The following PRRC2B variants were observed in gnomAD, a reference collection of about 807,000 sequenced individuals.
PRRC2B encodes protein PRRC2B.
In PRRC2B, 68 loss-of-function variants were observed where a neutral mutation model predicts 242.3. That is an observed-to-expected ratio of 0.28 (90% confidence interval 0.23 to 0.34). The LOEUF (loss-of-function observed/expected upper bound fraction) is 0.34, where lower values mean the gene tolerates loss of function less well. Ranked by LOEUF, PRRC2B falls within the 10% of genes least tolerant of loss-of-function variation. The pLI, the probability that PRRC2B is intolerant of heterozygous loss-of-function variation, is 1.00. For missense variants in PRRC2B, 2,835 were observed against 2,954.8 expected, an observed-to-expected ratio of 0.96 and a Z score of 0.94; for synonymous variants, 1,228 against 1,173.6, an observed-to-expected ratio of 1.05 and a Z score of -0.95.
At position 131,484,737 on chromosome 9, in the gene PRRC2B, A is replaced by G. The variant is rs1381597420; in HGVS notation, c.5512A>G (p.Arg1838Gly). ...CCTGCGGCGGGACCATCACATCCAG[A>G]GGGCCATCGGTCTCTCCCCAATGTC... ...PILRRDHHIQ[R>G]AIGLSPMSFP... The change falls in exon 24 of 32, where the codon AGG becomes GGG. Residue 1838 changes from arginine to glycine, a missense_variant. Physicochemically the swap from Arg to Gly is moderately radical, Grantham distance 125. Coordinates refer to ENST00000683519, the MANE Select transcript of PRRC2B (RefSeq NM_013318.4). 29 of 1,612,882 alleles carry G rather than the reference A, an allele frequency of 1.8e-5. No individual in the cohort carries two copies. Among genetic ancestry groups the G allele is most frequent in the Middle Eastern group, 1.6e-4 (1 of 6,080 alleles).
intron 3 of PRRC2B, 29 bp downstream of exon 3, chr9:131,432,823 G>A (rs751980642): frequency 8.1e-6 from 13 of 1,610,412 alleles, no homozygotes; most frequent in Non-Finnish European, 9.3e-6. Context: ...TGGTGAGTGG[G>A]AGCTGGCGCT....
chr9:131,478,048 A>G lies in PRRC2B; in HGVS notation c.4612+99A>G, dbSNP rs1327081640. On this transcript the variant is annotated intron_variant, in intron 17 of 31. Coordinates refer to ENST00000683519, the MANE Select transcript of PRRC2B (RefSeq NM_013318.4). ...AGTTTGCCCTTGCACTGAGTACCTTAGCTTTCGGAACAGCTCGGCCAGGCC... is the reference window on the plus strand; with the variant it reads ...AGTTTGCCCTTGCACTGAGTACCTTGGCTTTCGGAACAGCTCGGCCAGGCC... 1.3e-5 allele frequency: 14 copies of G among 1,071,074 alleles called. No homozygotes were observed. In the East Asian group the frequency reaches 3.2e-4, roughly 24 times the overall value. The allele number at this position is 1,071,074 out of a possible 1,614,324, so 66.3% of individuals were successfully genotyped here. A position where few individuals can be genotyped will look rare whatever the true frequency, so the allele number is the denominator to read the frequency against.
At position 131,475,902 on chromosome 9, in the gene PRRC2B, A is replaced by G. The variant is rs1323487180; in HGVS notation, c.3773A>G (p.Asp1258Gly). Residue 1258 changes from aspartate to glycine, a missense_variant, in exon 16 of 32, where the codon GAT (aspartate) becomes GGT (glycine). Physicochemically the swap from Asp to Gly is moderately conservative, Grantham distance 94. Around this residue, in one of 7 missense-constraint regions of PRRC2B, gnomAD observed 1,536 missense variants for 1,483.1 expected, o/e 1.04. Coordinates refer to ENST00000683519, the MANE Select transcript of PRRC2B (RefSeq NM_013318.4). ...RRPTDRDYVP[D>G]SYRHPDAFGG... ...CCTACAGACAGAGACTATGTCCCAGATTCCTACAGACACCCTGACGCATTT... is the reference window on the plus strand; with the variant it reads ...CCTACAGACAGAGACTATGTCCCAGGTTCCTACAGACACCCTGACGCATTT... 3.1e-6 allele frequency: 5 copies of G among 1,613,878 alleles called. No homozygotes were observed. The highest frequency in any genetic ancestry group is 1.7e-5 in the Admixed American group (1 of 60,020).
chr9:131,397,314 G>A (rs1588236518), intron 1 of PRRC2B, among the ~76,000 whole-genome samples: 3 of 152,258 alleles, frequency 2.0e-5, no homozygotes, highest in African/African-American at 7.2e-5. Context: ...TACAGTGGCC[G>A]TCTCCAGCCT....
At chr9:131,486,914 G>GT (rs1421253139) in intron 26 of PRRC2B, among the ~76,000 whole-genome samples, 3 of 152,336 alleles carry the variant, frequency 2.0e-5, no homozygotes, top group Admixed American at 2.0e-4. Flanking sequence ...CTCTGTTGAC[G>GT]TATGTGCTAG....
chr9:131,454,983 A>T, intron 9 of PRRC2B, 93 bp from the exon 10 acceptor site: 1 of 924,812 alleles, frequency 1.1e-6, no homozygotes, highest in Non-Finnish European at 1.7e-6. Flanking sequence ...CAGCCTCGCA[A>T]AGTACTGGGA....
At chr9:131,438,106 TGTG>T (rs1218049679) in intron 4 of PRRC2B, among the ~76,000 whole-genome samples, 2 of 152,220 alleles carry the variant, frequency 1.3e-5, no homozygotes, top group African/African-American at 4.8e-5. Flanking sequence ...TGCCCAGTGT[TGTG>T]CGAGTTTTAG....
At chr9:131,461,796 G>A (rs572907441) in intron 11 of PRRC2B, among the ~76,000 whole-genome samples, 1 of 152,294 alleles carries the variant, frequency 6.6e-6, no homozygotes, top group South Asian at 2.1e-4. Flanking sequence ...CAAAGTACTG[G>A]GATTTCAGGT....
At chr9:131,460,922 G>C (rs1485820428) in intron 11 of PRRC2B, among the ~76,000 whole-genome samples, 1 of 152,108 alleles carries the variant, frequency 6.6e-6, no homozygotes, top group Non-Finnish European at 1.5e-5. Flanking sequence ...CTGCTTCCGG[G>C]CCTCCTCAGC....
intron 1 of PRRC2B, among the ~76,000 whole-genome samples, chr9:131,426,020 A>C (rs1478419874): frequency 6.6e-6 from 1 of 151,408 alleles, no homozygotes; most frequent in Non-Finnish European, 1.5e-5. Context: ...ACAAAAAGAA[A>C]AAAAATCACA....
intron 1 of PRRC2B, among the ~76,000 whole-genome samples, chr9:131,412,506 A>G (rs1837532796): frequency 2.0e-5 from 3 of 152,200 alleles, no homozygotes; most frequent in Non-Finnish European, 1.5e-5. Flanking sequence ...GCTGTTGGGT[A>G]TATACCTAGG....
rs773790708 is a variant in PRRC2B at position 131,475,571 on chromosome 9, C to T, written c.3442C>T (p.Arg1148Cys). The T allele has an allele frequency of 2.5e-5, 41 of 1,612,696 alleles. No individual in the cohort carries two copies. Among genetic ancestry groups the T allele is most frequent in the African/African-American group, 6.7e-5 (5 of 74,918 alleles). The change falls in exon 16 of 32, where the codon CGC (arginine) becomes TGC (cysteine). Residue 1148 changes from arginine to cysteine, a missense_variant. Physicochemically the swap from Arg to Cys is radical, Grantham distance 180 (BLOSUM62 -3). Around this residue, in one of 7 missense-constraint regions of PRRC2B, gnomAD observed 1,536 missense variants for 1,483.1 expected, o/e 1.04. Coordinates refer to ENST00000683519, the MANE Select transcript of PRRC2B (RefSeq NM_013318.4). The stretch of plus-strand genomic sequence containing the variant: ...AGAGTATGAAGAACTTCCCAAGCGC[C>T]GCCGGCAGAGGGGCTCCGAGAACGG... ...GSEYEELPKR[R>C]RQRGSENGNE...
At chr9:131,435,763 C>T (rs936715090) in intron 3 of PRRC2B, among the ~76,000 whole-genome samples, 1 of 152,096 alleles carries the variant, frequency 6.6e-6, no homozygotes, top group African/African-American at 2.4e-5. Flanking sequence ...AGATCCGTTT[C>T]TATGTTGATG....
rs368251142 is a variant in PRRC2B at position 131,475,594 on chromosome 9, C to A, written c.3465C>A (p.Asn1155Lys). 6 of 1,612,750 alleles carry A rather than the reference C, an allele frequency of 3.7e-6. No homozygotes were observed. The African/African-American group carries it at 8.0e-5, about 21-fold the overall frequency. Residue 1155 changes from asparagine to lysine, a missense_variant, in exon 16 of 32, where the codon AAC (asparagine) becomes AAA (lysine). Asn to Lys is a moderately conservative substitution (Grantham distance 94, BLOSUM62 0). Coordinates refer to ENST00000683519, the MANE Select transcript of PRRC2B (RefSeq NM_013318.4). ...GCCGCCGGCAGAGGGGCTCCGAGAA[C>A]GGGAATGAAGGCTCGCTCCTGGAGA... is the stretch of plus-strand genomic sequence containing the variant. ...PKRRRQRGSE[N>K]GNEGSLLERE...
chr9:131,398,977 CAAA>C (rs1005587257), intron 1 of PRRC2B, among the ~76,000 whole-genome samples: 2 of 149,930 alleles, frequency 1.3e-5, no homozygotes, highest in African/African-American at 2.5e-5. Flanking sequence ...GACCCTGTCT[CAAA>C]AGAATAAAAA....
upstream of PRRC2B, among the ~76,000 whole-genome samples, chr9:131,392,757 A>C (rs1442864116): frequency 6.6e-6 from 1 of 152,074 alleles, no homozygotes; most frequent in Non-Finnish European, 1.5e-5. Context: ...TACCAAAAAT[A>C]CAAAAATTAG....
intron 1 of PRRC2B, among the ~76,000 whole-genome samples, chr9:131,416,172 C>T (rs113147435): frequency 2.6e-5 from 4 of 151,656 alleles, no homozygotes; most frequent in African/African-American, 9.7e-5. Flanking sequence ...GCAGTGGCGC[C>T]ATCTCGGCTC....
intron 1 of PRRC2B, among the ~76,000 whole-genome samples, chr9:131,400,733 A>G (rs765640158): frequency 6.6e-6 from 1 of 152,110 alleles, no homozygotes; most frequent in Non-Finnish European, 1.5e-5. Flanking sequence ...TTCATGAGCC[A>G]CTAGGTTCTG....
Position 131,495,977 on chromosome 9 carries a change from T to C in PRRC2B, c.*103T>C. The stretch of plus-strand genomic sequence containing the variant: ...AGCCTCACCAGATCCACCGTCCAAA[T>C]GCGTGGCCCAGACTGAGAGACCTCC... On this transcript the variant is annotated 3_prime_UTR_variant, in exon 32 of 32. Transcript: ENST00000683519. 1 of 1,492,388 alleles carries C rather than the reference T, an allele frequency of 6.7e-7. No individual in the cohort carries two copies. Among genetic ancestry groups the C allele is most frequent in the South Asian group, 1.2e-5 (1 of 81,210 alleles). The allele number at this position is 1,492,388 out of a possible 1,614,324, so 92.4% of individuals were successfully genotyped here.
Sources: allele counts gnomAD v4.1 joint callset (sites outside exome capture counted in the v4.1 genomes callset), GRCh38; gene constraint gnomAD v4.1.1; regional missense constraint gnomAD v4.1.1; transcripts MANE v1.5; gene names NCBI Gene and HGNC (gene_info 2026-07-23, HGNC 2026-07-21).